Variants in CUL3 observed in about 807,000 individuals in gnomAD.
CUL3 encodes the protein cullin-3.
CUL3 carries 19 observed loss-of-function variants against 89.1 expected under a neutral mutation model. The ratio of observed to expected loss-of-function variants is 0.21; its 90% CI spans 0.15 to 0.31. The LOEUF is 0.31. Ranked by LOEUF, CUL3 falls within the 10% of genes least tolerant of loss-of-function variation. The pLI is 1.00. For synonymous variants in CUL3, 351 were observed against 308.4 expected, an observed-to-expected ratio of 1.14 and a Z score of -1.45; for missense variants, 469 against 942.3, an observed-to-expected ratio of 0.50 and a Z score of 6.58.
Position 224,557,846 on chromosome 2 carries a change from T to C in CUL3, c.77A>G (p.Asp26Gly). 8.5e-7 allele frequency: 1 copy of C among 1,170,606 alleles called. No individual in the cohort carries two copies. The highest frequency in any genetic ancestry group is 1.2e-6 in the Non-Finnish European group (1 of 846,690). 72.5% of individuals were successfully genotyped at this position (1,170,606 alleles called of 1,614,324 possible). ...MRIRAFPMTM[D>G]EKYVNSIWDL... ...CCAAATGCTGTTTACATATTTTTCA[T>C]CCATGGTCATCTGTAATATCCAAGA... Residue 26 changes from aspartate (D) to glycine (G), a missense_variant, in exon 2 of 16, where the codon GAT (aspartate) becomes GGT (glycine). By Grantham distance (94) the Asp-to-Gly change is moderately conservative (BLOSUM62 -1). Coordinates refer to ENST00000264414, the MANE Select transcript of CUL3 (RefSeq NM_003590.5).
intron 2 of CUL3, among the ~76,000 whole-genome samples, chr2:224,551,362 C>T (rs1425437986): frequency 1.3e-5 from 2 of 152,064 alleles, no homozygotes; most frequent in African/African-American, 2.4e-5. Context: ...CCCGCCACCA[C>T]GTCCGGCTCA....
At chr2:224,551,105 G>A (rs950805301) in intron 2 of CUL3, among the ~76,000 whole-genome samples, 4 of 150,352 alleles carry the variant, frequency 2.7e-5, no homozygotes, top group Non-Finnish European at 5.9e-5. Context: ...TGCCCAGGCT[G>A]CAGTGCAGTA....
At chr2:224,580,429 A>G (rs1695405917) in intron 1 of CUL3, among the ~76,000 whole-genome samples, 1 of 152,260 alleles carries the variant, frequency 6.6e-6, no homozygotes, top group Non-Finnish European at 1.5e-5. Context: ...CACAGCTATA[A>G]TCCCAGCACT....
At chr2:224,529,788 G>A (rs1163010592) in intron 3 of CUL3, among the ~76,000 whole-genome samples, 2 of 152,068 alleles carry the variant, frequency 1.3e-5, no homozygotes, top group African/African-American at 4.8e-5. Context: ...GTTGATTTTT[G>A]CAACACCGAA....
At position 224,511,617 on chromosome 2, in the gene CUL3, A is replaced by G. The variant is rs1692828983; in HGVS notation, c.655-35T>C. ...AAAAATATATATATTTTTTAAACAT[A>G]GAAGAAAAGAGTGTTTTTGCTTTTA... On this transcript the variant is annotated intron_variant, in intron 5 of 15. Transcript: ENST00000264414. The G allele has an allele frequency of 2.5e-6, 3 of 1,221,624 alleles. No individual in the cohort carries two copies. In the South Asian group the frequency reaches 4.5e-5, roughly 18 times the overall value. 75.7% of individuals were successfully genotyped at this position (1,221,624 alleles called of 1,614,324 possible). A position where few individuals can be genotyped will look rare whatever the true frequency, so the allele number is the denominator to read the frequency against.
At chr2:224,529,293 A>G (rs1282000930) in intron 3 of CUL3, among the ~76,000 whole-genome samples, 1 of 152,144 alleles carries the variant, frequency 6.6e-6, no homozygotes, top group East Asian at 1.9e-4. Flanking sequence ...AAACTATCTT[A>G]TAAGCTAAAC....
chr2:224,491,288 G>C (rs1691966367), intron 13 of CUL3, among the ~76,000 whole-genome samples: 1 of 151,984 alleles, frequency 6.6e-6, no homozygotes, highest in Non-Finnish European at 1.5e-5. Context: ...ATATTCTTTA[G>C]CTTTTACTGT....
intron 2 of CUL3, among the ~76,000 whole-genome samples, chr2:224,545,534 A>C (rs935948590): frequency 6.6e-6 from 1 of 152,240 alleles, no homozygotes; most frequent in African/African-American, 2.4e-5. Flanking sequence ...TTAAGTGTCC[A>C]AAATGAAGCT....
At chr2:224,512,220 C>A (rs543235967) in intron 5 of CUL3, among the ~76,000 whole-genome samples, 1 of 151,992 alleles carries the variant, frequency 6.6e-6, no homozygotes, top group South Asian at 2.1e-4. Context: ...CTCAGCCTCC[C>A]GAGTAGCTGG....
chr2:224,524,889 A>G (rs1171134468), intron 3 of CUL3, among the ~76,000 whole-genome samples: 1 of 152,174 alleles, frequency 6.6e-6, no homozygotes, highest in Non-Finnish European at 1.5e-5. Context: ...CTACCCAGAA[A>G]GTGGTAAGTA....
At chr2:224,482,845 TAA>T (rs1691583025) in intron 13 of CUL3, among the ~76,000 whole-genome samples, 1 of 152,184 alleles carries the variant, frequency 6.6e-6, no homozygotes, top group Non-Finnish European at 1.5e-5. Flanking sequence ...TGTGATTGAG[TAA>T]AAGTCTTGAC....
chr2:224,545,921 T>C (rs1487084068), intron 2 of CUL3, among the ~76,000 whole-genome samples: 1 of 152,202 alleles, frequency 6.6e-6, no homozygotes, highest in Non-Finnish European at 1.5e-5. Context: ...ACATAAAATT[T>C]GACATTTTTA....
At chr2:224,564,458 C>T (rs1448695371) in intron 1 of CUL3, among the ~76,000 whole-genome samples, 4 of 152,170 alleles carry the variant, frequency 2.6e-5, no homozygotes, top group Admixed American at 2.6e-4. Context: ...GGGTTAAGTA[C>T]AGTACAAGAT....
intron 2 of CUL3, among the ~76,000 whole-genome samples, chr2:224,551,133 T>C (rs1270238924): frequency 6.6e-6 from 1 of 151,678 alleles, no homozygotes; most frequent in South Asian, 2.1e-4. Flanking sequence ...AACAGCTCAC[T>C]GCAGCCTCAA....
chr2:224,540,191 G>C (rs942582664), intron 2 of CUL3, among the ~76,000 whole-genome samples: 2 of 151,802 alleles, frequency 1.3e-5, no homozygotes, highest in African/African-American at 4.8e-5. Context: ...CAAGTAGATG[G>C]GATTACAGGT....
rs60714794 is a variant in CUL3 at position 224,525,017 on chromosome 2, C to CA, written c.379-10246dup. Among the ~76,000 whole-genome samples the CA allele has an allele frequency of 9.9e-4, 109 of 110,104 alleles. 1 individual carries two copies. Among genetic ancestry groups the CA allele is most frequent in the South Asian group, 2.5e-3 (9 of 3,588 alleles). The allele number at this position is 110,104 out of a possible 152,430, so 72.2% of individuals were successfully genotyped here. On this transcript the variant is annotated intron_variant, in intron 3 of 15. Coordinates refer to ENST00000264414, the MANE Select transcript of CUL3 (RefSeq NM_003590.5). ...AATACACTTATTAATCTAAAGAAAG[C>CA]AAAAAAAAAAAGCTGAGGAAAGTAA...
chr2:224,530,221 A>G (rs1429422850), intron 3 of CUL3, among the ~76,000 whole-genome samples: 1 of 152,230 alleles, frequency 6.6e-6, no homozygotes, highest in African/African-American at 2.4e-5. Flanking sequence ...CCTGGGCAAC[A>G]GAGTGAGACT....
chr2:224,500,263 G>T, intron 11 of CUL3, 100 bp downstream of exon 11: 1 of 1,356,702 alleles, frequency 7.4e-7, no homozygotes, highest in Non-Finnish European at 1.0e-6. Flanking sequence ...GTAATAAATG[G>T]AATACATTCA....
intron 8 of CUL3, chr2:224,505,625 G>A (rs1692571566): frequency 6.2e-6 from 1 of 160,842 alleles, no homozygotes; most frequent in Non-Finnish European, 1.3e-5. Context: ...TTGTAGAGAT[G>A]GAGTCTCACT....
Sources: allele counts gnomAD v4.1 joint callset (sites outside exome capture counted in the v4.1 genomes callset), GRCh38; gene constraint gnomAD v4.1.1; transcripts MANE v1.5; gene names NCBI Gene and HGNC (gene_info 2026-07-23, HGNC 2026-07-21).